Variants in ZMAT4 observed in about 807,000 individuals in gnomAD.
The protein encoded by ZMAT4 is zinc finger matrin-type protein 4.
A neutral mutation model predicts 28.7 loss-of-function variants in ZMAT4; 17 were observed. The observed-to-expected ratio is 0.59, with a 90% CI of 0.41 to 0.89. The LOEUF (loss-of-function observed/expected upper bound fraction) is 0.89, where lower values mean the gene tolerates loss of function less well. ZMAT4 is among the 40% of genes least tolerant of loss of function. The pLI, the probability that ZMAT4 is intolerant of heterozygous loss-of-function variation, is 0.00. For synonymous variants in ZMAT4, 117 were observed against 109.2 expected, an observed-to-expected ratio of 1.07 and a Z score of -0.44; for missense variants, 240 against 283.8, an observed-to-expected ratio of 0.85 and a Z score of 1.11.
intron 5 of ZMAT4, among the ~76,000 whole-genome samples, chr8:40,605,400 A>G (rs922803249): frequency 3.3e-5 from 5 of 152,160 alleles, no homozygotes; most frequent in Admixed American, 1.3e-4. Context: ...ACTCAGTTTA[A>G]AAAATTATTT....
At chr8:40,713,102 G>A (rs1810697874) in intron 3 of ZMAT4, among the ~76,000 whole-genome samples, 1 of 152,044 alleles carries the variant, frequency 6.6e-6, no homozygotes, top group Non-Finnish European at 1.5e-5. Flanking sequence ...GTGGGTTTCT[G>A]CTACAGAAAG....
At chr8:40,716,053 A>G (rs1053895508) in intron 3 of ZMAT4, among the ~76,000 whole-genome samples, 1 of 152,242 alleles carries the variant, frequency 6.6e-6, no homozygotes, top group African/African-American at 2.4e-5. Flanking sequence ...TTCCACTGCT[A>G]TCTTTATCAC....
intron 1 of ZMAT4, among the ~76,000 whole-genome samples, chr8:40,886,166 A>G (rs1434469166): frequency 1.3e-5 from 2 of 152,248 alleles, no homozygotes; most frequent in Non-Finnish European, 2.9e-5. Context: ...GAACAGAGCC[A>G]TGGCTCAGAG....
intron 5 of ZMAT4, among the ~76,000 whole-genome samples, chr8:40,644,764 A>G (rs1180158576): frequency 6.6e-6 from 1 of 152,208 alleles, no homozygotes; most frequent in Non-Finnish European, 1.5e-5. Flanking sequence ...CCAGGTGACC[A>G]AAGTCAACAT....
intron 3 of ZMAT4, among the ~76,000 whole-genome samples, chr8:40,762,072 C>G (rs1812964244): frequency 6.6e-6 from 1 of 152,128 alleles, no homozygotes; most frequent in Non-Finnish European, 1.5e-5. Flanking sequence ...GAGAACTGAC[C>G]ACGAAGTCAA....
At chr8:40,545,319 G>A (rs1224029596) in intron 6 of ZMAT4, among the ~76,000 whole-genome samples, 1 of 152,070 alleles carries the variant, frequency 6.6e-6, no homozygotes, top group African/African-American at 2.4e-5. Flanking sequence ...TGGACCCATA[G>A]GAACTGTGAG....
rs559740974 is a variant in ZMAT4, at chr8:40,633,365, C to T, written c.577+41339G>A. Among the ~76,000 whole-genome samples the T allele has an allele frequency of 3.3e-5, 5 of 152,204 alleles. No individual in the cohort carries two copies. In the East Asian group the frequency reaches 7.7e-4, roughly 24 times the overall value. On this transcript the variant is annotated intron_variant, in intron 5 of 6. Coordinates refer to ENST00000297737, the MANE Select transcript of ZMAT4 (RefSeq NM_024645.3). ...CTTCTGTCCCCGATAAGTGGGAAAC[C>T]CATTAAGTGGGAAAGTGACACATGC...
At chr8:40,675,480 A>T (rs1808871520) in intron 4 of ZMAT4, among the ~76,000 whole-genome samples, 1 of 152,232 alleles carries the variant, frequency 6.6e-6, no homozygotes, top group South Asian at 2.1e-4. Context: ...ATTGCCTTCA[A>T]TTATTTTTGT....
intron 4 of ZMAT4, among the ~76,000 whole-genome samples, chr8:40,685,562 T>G (rs1036838632): frequency 6.6e-6 from 1 of 152,136 alleles, no homozygotes; most frequent in Non-Finnish European, 1.5e-5. Flanking sequence ...CAGACACAGA[T>G]GGAAGGGAGC....
intron 1 of ZMAT4, among the ~76,000 whole-genome samples, chr8:40,878,160 G>C (rs1477267184): frequency 1.3e-5 from 2 of 152,144 alleles, no homozygotes; most frequent in Non-Finnish European, 2.9e-5. Context: ...CCTCCAAGTG[G>C]CCAGTGGTCA....
intron 2 of ZMAT4, among the ~76,000 whole-genome samples, chr8:40,802,022 C>G (rs1173189567): frequency 6.6e-6 from 1 of 152,090 alleles, no homozygotes; most frequent in East Asian, 1.9e-4. Flanking sequence ...TGACAAAATC[C>G]AACACCCATT....
chr8:40,695,572 C>T (rs766681982), intron 4 of ZMAT4, among the ~76,000 whole-genome samples: 18 of 152,314 alleles, frequency 1.2e-4, no homozygotes, highest in Middle Eastern at 6.8e-3. Flanking sequence ...CCATGAACAG[C>T]CAAGACTAAG....
At chr8:40,668,018 G>A (rs1374869978) in intron 5 of ZMAT4, among the ~76,000 whole-genome samples, 3 of 152,080 alleles carry the variant, frequency 2.0e-5, no homozygotes, top group Non-Finnish European at 4.4e-5. Context: ...AATATGATTC[G>A]AGAAAAAGTG....
At chr8:40,546,295 T>G (rs1177941224) in intron 6 of ZMAT4, among the ~76,000 whole-genome samples, 2 of 150,048 alleles carry the variant, frequency 1.3e-5, no homozygotes, top group East Asian at 3.9e-4. Flanking sequence ...GGTGAATCAC[T>G]TGAACAAAAA....
At chr8:40,842,838 C>T (rs750088506) in intron 1 of ZMAT4, among the ~76,000 whole-genome samples, 2 of 152,148 alleles carry the variant, frequency 1.3e-5, no homozygotes, top group Admixed American at 6.5e-5. Context: ...TGCAATGGCG[C>T]GATCTCTGCT....
intron 1 of ZMAT4, among the ~76,000 whole-genome samples, chr8:40,867,589 T>TG (rs1320590336): frequency 2.0e-5 from 3 of 152,194 alleles, no homozygotes; most frequent in African/African-American, 4.8e-5. Context: ...CCAGCCTCCT[T>TG]GCTGCCTCTC....
intron 2 of ZMAT4, among the ~76,000 whole-genome samples, chr8:40,798,492 A>G (rs1209046891): frequency 6.6e-6 from 1 of 152,216 alleles, no homozygotes. Context: ...CTAGAAACCA[A>G]TAAATACCTC....
At chr8:40,686,101 G>T (rs1336923800) in intron 4 of ZMAT4, among the ~76,000 whole-genome samples, 1 of 152,104 alleles carries the variant, frequency 6.6e-6, no homozygotes, top group Non-Finnish European at 1.5e-5. Flanking sequence ...CCTGCCTTAG[G>T]TATAGAGAGC....
intron 2 of ZMAT4, among the ~76,000 whole-genome samples, chr8:40,775,567 G>A (rs1813557409): frequency 6.6e-6 from 1 of 152,218 alleles, no homozygotes; most frequent in South Asian, 2.1e-4. Context: ...AACAGAGGCA[G>A]TGTGTTGAGG....
Sources: allele counts gnomAD v4.1 joint callset (sites outside exome capture counted in the v4.1 genomes callset), GRCh38; gene constraint gnomAD v4.1.1; transcripts MANE v1.5; gene names NCBI Gene and HGNC (gene_info 2026-07-23, HGNC 2026-07-21).